The following PLCB1 variants were observed in gnomAD, a reference collection of about 807,000 sequenced individuals.
PLCB1 encodes the protein 1-phosphatidylinositol 4,5-bisphosphate phosphodiesterase beta-1.
PLCB1 carries 46 observed loss-of-function variants against 161.8 expected under a neutral mutation model. The ratio of observed to expected loss-of-function variants is 0.28; its 90% CI spans 0.22 to 0.36. The LOEUF (loss-of-function observed/expected upper bound fraction) is 0.36. PLCB1 is among the 10% of genes least tolerant of loss of function. The pLI is 1.00. For missense variants in PLCB1, 1,016 were observed against 1,472.5 expected (o/e 0.69, Z 5.07); for synonymous variants, 517 against 503.7 (o/e 1.03, Z -0.35).
At chr20:8,855,520 C>A (rs1337296824) in intron 31 of PLCB1, among the ~76,000 whole-genome samples, 9 of 152,180 alleles carry the variant, frequency 5.9e-5, no homozygotes, top group Non-Finnish European at 4.4e-5. Context: ...CACAAAAAAA[C>A]AAAAATCTTT....
intron 2 of PLCB1, among the ~76,000 whole-genome samples, chr20:8,244,476 A>G (rs112200254): frequency 0.023 from 3,546 of 152,058 alleles, 148 homozygotes; most frequent in African/African-American, 0.08. Context: ...TGGAAGAAAT[A>G]GGACACAAAA....
At chr20:8,750,998 C>T (rs1462598584) in intron 23 of PLCB1, 21 of 434,198 alleles carry the variant, frequency 4.8e-5, no homozygotes, top group South Asian at 3.0e-4. Context: ...TGCAGAGGCG[C>T]GATCTCGGCT....
chr20:8,653,834 C>A (rs912801655), intron 7 of PLCB1, among the ~76,000 whole-genome samples: 1 of 151,916 alleles, frequency 6.6e-6, no homozygotes, highest in African/African-American at 2.4e-5. Flanking sequence ...GTCATTGTGA[C>A]CTCATCACAC....
chr20:8,859,671 T>A (rs747188479), intron 31 of PLCB1, among the ~76,000 whole-genome samples: 46 of 152,178 alleles, frequency 3.0e-4, no homozygotes, highest in Non-Finnish European at 5.0e-4. Flanking sequence ...AATTCTGAAA[T>A]GTTGCTCAGG....
chr20:8,385,725 C>T (rs546914016), intron 3 of PLCB1, among the ~76,000 whole-genome samples: 2 of 152,350 alleles, frequency 1.3e-5, no homozygotes, highest in South Asian at 2.1e-4. Flanking sequence ...CTGGGTAGCA[C>T]GCTCACTCGC....
intron 2 of PLCB1, among the ~76,000 whole-genome samples, chr20:8,258,734 A>T (rs745485301): frequency 2.6e-5 from 4 of 152,146 alleles, no homozygotes; most frequent in African/African-American, 9.6e-5. Context: ...TGTTTTTAAA[A>T]TTTCGATTAG....
intron 2 of PLCB1, among the ~76,000 whole-genome samples, chr20:8,206,926 T>G (rs1249548090): frequency 6.6e-6 from 1 of 152,116 alleles, no homozygotes; most frequent in Non-Finnish European, 1.5e-5. Context: ...GAAATAAATT[T>G]TTAAAATGCA....
At chr20:8,627,223 C>A (rs1988378218) in intron 3 of PLCB1, among the ~76,000 whole-genome samples, 1 of 152,118 alleles carries the variant, frequency 6.6e-6, no homozygotes, top group Non-Finnish European at 1.5e-5. Context: ...ATTAATGGCA[C>A]CAAGTAAAGT....
At chr20:8,863,610 T>TGG (rs1049688361) in intron 31 of PLCB1, among the ~76,000 whole-genome samples, 9 of 152,244 alleles carry the variant, frequency 5.9e-5, no homozygotes, top group African/African-American at 1.9e-4. Flanking sequence ...GACCTCAATT[T>TGG]GGGAGCTTCT....
At chr20:8,574,715 G>A (rs1164097895) in intron 3 of PLCB1, among the ~76,000 whole-genome samples, 1 of 146,214 alleles carries the variant, frequency 6.8e-6, no homozygotes, top group Non-Finnish European at 1.5e-5. Flanking sequence ...AAGCCTCAGA[G>A]TTTCCCCACT....
intron 31 of PLCB1, among the ~76,000 whole-genome samples, chr20:8,840,665 A>G (rs1448376548): frequency 6.6e-6 from 1 of 152,180 alleles, no homozygotes; most frequent in Non-Finnish European, 1.5e-5. Flanking sequence ...CCATAAGAGG[A>G]AATTCAACAC....
intron 9 of PLCB1, among the ~76,000 whole-genome samples, chr20:8,662,245 T>C (rs1600233868): frequency 8.1e-6 from 1 of 123,558 alleles, no homozygotes; most frequent in East Asian, 2.6e-4. Flanking sequence ...TATAATTATT[T>C]ATTATATAAT....
intron 3 of PLCB1, among the ~76,000 whole-genome samples, chr20:8,604,177 C>T (rs183296108): frequency 5.5e-4 from 78 of 141,288 alleles, no homozygotes; most frequent in African/African-American, 1.8e-3. Context: ...CCCCTGAACC[C>T]GGGAAGTGGA....
intron 3 of PLCB1, among the ~76,000 whole-genome samples, chr20:8,532,996 A>G (rs1984878334): frequency 6.6e-6 from 1 of 150,798 alleles, no homozygotes; most frequent in Non-Finnish European, 1.5e-5. Context: ...TATATCTCCT[A>G]ATGCTATCCC....
At chr20:8,717,884 T>G in intron 14 of PLCB1, 36 bp downstream of exon 14, 3 of 1,580,730 alleles carry the variant, frequency 1.9e-6, no homozygotes, top group Non-Finnish European at 2.6e-6. Context: ...TCATGTTTTG[T>G]GTTGGTTTAA....
intron 3 of PLCB1, among the ~76,000 whole-genome samples, chr20:8,498,688 C>G (rs1983280535): frequency 6.6e-6 from 1 of 152,148 alleles, no homozygotes; most frequent in Non-Finnish European, 1.5e-5. Context: ...GCATAAATTA[C>G]CCCCAAAATT....
chr20:8,443,102 C>T (rs991650918), intron 3 of PLCB1, among the ~76,000 whole-genome samples: 1 of 151,816 alleles, frequency 6.6e-6, no homozygotes, highest in East Asian at 1.9e-4. Context: ...GCCTCACCTT[C>T]TCGAGTAGCT....
intron 3 of PLCB1, among the ~76,000 whole-genome samples, chr20:8,389,119 T>TA (rs535756108): frequency 1.1e-4 from 16 of 151,930 alleles, no homozygotes; most frequent in Middle Eastern, 6.8e-3. Flanking sequence ...CTTTTTACTT[T>TA]AAAAAAAAAT....
At chr20:8,364,844 C>A (rs1045192066) in intron 2 of PLCB1, among the ~76,000 whole-genome samples, 1 of 152,194 alleles carries the variant, frequency 6.6e-6, no homozygotes, top group South Asian at 2.1e-4. Flanking sequence ...ACCTATAACA[C>A]ATAAAAGTGA....
Sources: gnomAD v4.1 joint callset for allele counts (sites outside exome capture counted in the v4.1 genomes callset) on GRCh38, gnomAD v4.1.1 for gene constraint, MANE v1.5 for transcripts, NCBI Gene and HGNC (gene_info 2026-07-23, HGNC 2026-07-21) for gene names.